SH3PXD2A: variants seen among roughly 807,000 people sequenced by gnomAD.
SH3PXD2A encodes SH3 and PX domains 2A.
Under a neutral mutation model 115.2 loss-of-function variants are expected in SH3PXD2A, and 32 were observed. The ratio of observed to expected loss-of-function variants is 0.28; its 90% CI spans 0.21 to 0.37. The LOEUF (loss-of-function observed/expected upper bound fraction) is 0.37. Ranked by LOEUF, SH3PXD2A falls within the 10% of genes least tolerant of loss-of-function variation. The pLI, the probability that SH3PXD2A is intolerant of heterozygous loss-of-function variation, is 1.00. For missense variants in SH3PXD2A, 1,328 were observed against 1,498.7 expected, an observed-to-expected ratio of 0.89 and a Z score of 1.88; for synonymous variants, 610 against 629.1, an observed-to-expected ratio of 0.97 and a Z score of 0.45.
rs71709843 is a variant in SH3PXD2A, at chr10:103,596,688, C to CTCTCTCTCTCTCTCTCT, written c.*5127_*5128insAGAGAGAGAGAGAGAGA. The CTCTCTCTCTCTCTCTCT allele has an allele frequency of 2.6e-5, 2 of 75,816 alleles. No homozygotes were observed. Among genetic ancestry groups the CTCTCTCTCTCTCTCTCT allele is most frequent in the Non-Finnish European group, 7.1e-5 (2 of 28,036 alleles). The allele number at this position is 75,816 out of a possible 1,614,324, so 4.7% of individuals were successfully genotyped here. A position where few individuals can be genotyped will look rare whatever the true frequency, so the allele number is the denominator to read the frequency against. On this transcript the variant is annotated 3_prime_UTR_variant, in exon 15 of 15. Coordinates refer to ENST00000369774, the MANE Select transcript of SH3PXD2A (RefSeq NM_001394015.1). ...ACTCTCTCTCTCTCTCTCTCTCTCA[C>CTCTCTCTCTCTCTCTCT]AACACATGGCCCTCAAAAAAGTGAG...
At chr10:103,663,556 C>A (rs1041351641) in intron 7 of SH3PXD2A, among the ~76,000 whole-genome samples, 10 of 152,258 alleles carry the variant, frequency 6.6e-5, no homozygotes, top group African/African-American at 9.6e-5. Context: ...TTTAAAAGTA[C>A]TGATGCTGGG....
Position 103,724,311 on chromosome 10 carries a change from C to T in SH3PXD2A, c.357G>A (p.Arg119=), listed in dbSNP as rs1212108342. 2.2e-5 allele frequency: 35 copies of T among 1,582,940 alleles called. No homozygotes were observed. The highest frequency in any genetic ancestry group is 2.7e-5 in the Non-Finnish European group (32 of 1,167,258). Residue 119 remains arginine (R), a synonymous_variant, in exon 5 of 15, where the codon CGG becomes CGA. Coordinates refer to ENST00000369774, the MANE Select transcript of SH3PXD2A (RefSeq NM_001394015.1). ...PHISQCDEVF[R]FFEARPEDVN... is the part of the protein sequence containing the mutation. ...CATCCTCGGGTCGAGCCTCGAAGAA[C>T]CGGAAGACTTCGTCACACTGTGAGA...
At chr10:103,840,658 C>T (rs1376376022) in intron 1 of SH3PXD2A, among the ~76,000 whole-genome samples, 1 of 152,242 alleles carries the variant, frequency 6.6e-6, no homozygotes, top group Non-Finnish European at 1.5e-5. Flanking sequence ...CTGAACCCGG[C>T]TCTGCCCCTT....
At chr10:103,716,973 C>A (rs1229605342) in intron 5 of SH3PXD2A, among the ~76,000 whole-genome samples, 1 of 152,212 alleles carries the variant, frequency 6.6e-6, no homozygotes, top group African/African-American at 2.4e-5. Flanking sequence ...ATGGGGACAG[C>A]AAACACTGGC....
At chr10:103,610,762 C>T (rs1271346507) in intron 13 of SH3PXD2A, among the ~76,000 whole-genome samples, 2 of 152,206 alleles carry the variant, frequency 1.3e-5, no homozygotes, top group Non-Finnish European at 2.9e-5. Flanking sequence ...TCATTTCATC[C>T]TTACAACAGC....
intron 1 of SH3PXD2A, among the ~76,000 whole-genome samples, chr10:103,852,012 G>A (rs1307339610): frequency 1.3e-5 from 2 of 152,170 alleles, no homozygotes; most frequent in Admixed American, 6.5e-5. Flanking sequence ...ACTTTCAAAC[G>A]AAGGAATCTG....
At chr10:103,822,788 CAAG>C (rs2039394784) in intron 1 of SH3PXD2A, among the ~76,000 whole-genome samples, 1 of 152,072 alleles carries the variant, frequency 6.6e-6, no homozygotes, top group Non-Finnish European at 1.5e-5. Context: ...TTAAATGGAC[CAAG>C]AATATAAATA....
rs553599472 is a variant in SH3PXD2A, at chr10:103,668,128, G to A, written c.472+480C>T. The stretch of plus-strand genomic sequence containing the variant: ...AAATGAGGGTTGGGTGTCAGGGCCC[G>A]CTGCTCTCTGCCTCAGTTTACCTGC... On this transcript the variant is annotated intron_variant, in intron 7 of 14. Transcript: ENST00000369774. Among the ~76,000 whole-genome samples the A allele has an allele frequency of 8.1e-4, 123 of 152,362 alleles. 1 individual carries two copies. Among genetic ancestry groups the A allele is most frequent in the Non-Finnish European group, 1.4e-3 (95 of 68,038 alleles).
chr10:103,830,348 T>C (rs2039471987), intron 1 of SH3PXD2A, among the ~76,000 whole-genome samples: 1 of 152,114 alleles, frequency 6.6e-6, no homozygotes, highest in Non-Finnish European at 1.5e-5. Context: ...GAATCGGTCC[T>C]TAGGGAGAAG....
intron 3 of SH3PXD2A, among the ~76,000 whole-genome samples, chr10:103,740,966 G>T (rs906289866): frequency 6.6e-6 from 1 of 152,216 alleles, no homozygotes; most frequent in Non-Finnish European, 1.5e-5. Context: ...ATTGGGAAGG[G>T]AGTGGGCACG....
chr10:103,672,170 A>G (rs2037472811), intron 6 of SH3PXD2A, among the ~76,000 whole-genome samples: 1 of 152,228 alleles, frequency 6.6e-6, no homozygotes, highest in Non-Finnish European at 1.5e-5. Flanking sequence ...CTGTAATCCC[A>G]GCTACTCGGA....
chr10:103,721,557 T>G (rs530065856), intron 5 of SH3PXD2A, among the ~76,000 whole-genome samples: 1 of 152,340 alleles, frequency 6.6e-6, no homozygotes, highest in Admixed American at 6.5e-5. Context: ...CAGCTGCTTT[T>G]GTGGCGATAC....
rs943582715 is a variant in SH3PXD2A at position 103,645,034 on chromosome 10, C to G, written c.604+15949G>C. ...ATTGCTGTAGTACCCAGGCCCCGTC[C>G]TTCAAAGCCACTAACTTTGTGATGT... is the stretch of plus-strand genomic sequence containing the variant. On this transcript the variant is annotated intron_variant, in intron 8 of 14. Coordinates refer to ENST00000369774, the MANE Select transcript of SH3PXD2A (RefSeq NM_001394015.1). Among the ~76,000 whole-genome samples, 4 of 152,304 alleles carry G rather than the reference C, an allele frequency of 2.6e-5. No homozygotes were observed. In the South Asian group the frequency reaches 8.3e-4, roughly 32 times the overall value.
In SH3PXD2A at chr10:103,602,767, T is replaced by C; in HGVS notation, c.2451A>G (p.Arg817=). The change falls in exon 15 of 15, where the codon AGA becomes AGG. Residue 817 remains arginine (R), a synonymous_variant. Transcript: ENST00000369774. ...GGAGGGTGATGAGGTCGGATGAGCT[T>C]CTCCTAGACCCCTCACTGGGAGCCT... ...ASEAPSEGSR[R]SSSDLITLPA... 1 of 1,613,950 alleles carries C rather than the reference T, an allele frequency of 6.2e-7. No homozygotes were observed. The highest frequency in any genetic ancestry group is 8.5e-7 in the Non-Finnish European group (1 of 1,179,948).
chr10:103,798,137 G>A (rs550281696), intron 2 of SH3PXD2A, among the ~76,000 whole-genome samples: 44 of 152,280 alleles, frequency 2.9e-4, no homozygotes, highest in African/African-American at 9.6e-4. Flanking sequence ...AGTACGGGGA[G>A]ACCCACGCTG....
In SH3PXD2A at chr10:103,661,125, C is replaced by T; in HGVS notation, c.473-11G>A. ...CGGTGGCGTCGGCACCTGGCGAGGG[C>T]AGAAAGCACGCGGTGAGCCAGCGGC... is the stretch of plus-strand genomic sequence containing the variant. On this transcript the variant is annotated splice_polypyrimidine_tract_variant and intron_variant, in intron 7 of 14. Coordinates refer to ENST00000369774, the MANE Select transcript of SH3PXD2A (RefSeq NM_001394015.1). 1 of 1,611,590 alleles carries T rather than the reference C, an allele frequency of 6.2e-7. No homozygotes were observed. The highest frequency in any genetic ancestry group is 8.5e-7 in the Non-Finnish European group (1 of 1,178,810).
chr10:103,853,204 A>G (rs1438173920), intron 1 of SH3PXD2A, among the ~76,000 whole-genome samples: 5 of 152,214 alleles, frequency 3.3e-5, no homozygotes, highest in Non-Finnish European at 7.3e-5. Context: ...TTTCGAGGGA[A>G]CTGGACAGGA....
chr10:103,823,814 G>A (rs1304866490), intron 1 of SH3PXD2A, among the ~76,000 whole-genome samples: 1 of 152,198 alleles, frequency 6.6e-6, no homozygotes, highest in African/African-American at 2.4e-5. Flanking sequence ...GCAGGGAGGT[G>A]CCTGCAGACA....
intron 5 of SH3PXD2A, among the ~76,000 whole-genome samples, chr10:103,716,245 C>T (rs571071212): frequency 2.0e-5 from 3 of 152,296 alleles, no homozygotes; most frequent in South Asian, 4.1e-4. Context: ...ATGGCCTCCC[C>T]TTTTGGCCTG....
Sources: gnomAD v4.1 joint callset for allele counts (sites outside exome capture counted in the v4.1 genomes callset) on GRCh38, gnomAD v4.1.1 for gene constraint, MANE v1.5 for transcripts, NCBI Gene and HGNC (gene_info 2026-07-23, HGNC 2026-07-21) for gene names.